The following PTPRD variants were observed in gnomAD, a reference collection of about 807,000 sequenced individuals.
PTPRD encodes the protein protein tyrosine phosphatase receptor type D.
PTPRD carries 34 observed loss-of-function variants against 214.5 expected under a neutral mutation model. The observed-to-expected ratio is 0.16, with a 90% CI of 0.12 to 0.21. PTPRD has a LOEUF of 0.21. Ranked by LOEUF, PTPRD falls within the 10% of genes least tolerant of loss-of-function variation. The pLI is 1.00. For synonymous variants in PTPRD, 1,128 were observed against 845.7 expected (o/e 1.33, Z -5.79); for missense variants, 2,545 against 2,398.7 (o/e 1.06, Z -1.27).
intron 14 of PTPRD, among the ~76,000 whole-genome samples, chr9:8,620,917 G>A (rs1265387238): frequency 6.6e-6 from 1 of 151,956 alleles, no homozygotes; most frequent in Non-Finnish European, 1.5e-5. Flanking sequence ...GTACAATGCA[G>A]TTCTTAGATC....
intron 5 of PTPRD, among the ~76,000 whole-genome samples, chr9:9,909,976 TAGAGA>T (rs953889508): frequency 4.6e-5 from 7 of 152,072 alleles, no homozygotes; most frequent in African/African-American, 1.7e-4. Context: ...TCCTATCAGT[TAGAGA>T]AAAGTTCTAA....
At chr9:9,158,506 G>A (rs542043996) in intron 10 of PTPRD, among the ~76,000 whole-genome samples, 17 of 152,100 alleles carry the variant, frequency 1.1e-4, no homozygotes, top group African/African-American at 1.9e-4. Flanking sequence ...AGGCTGAGGC[G>A]GGAGAATTGC....
chr9:8,546,644 G>T (rs557223267), intron 14 of PTPRD, among the ~76,000 whole-genome samples: 1 of 151,906 alleles, frequency 6.6e-6, no homozygotes, highest in East Asian at 1.9e-4. Context: ...GATTACAGGC[G>T]TGCGCCACCA....
At chr9:9,884,008 C>T (rs377160571) in intron 5 of PTPRD, among the ~76,000 whole-genome samples, 1 of 151,862 alleles carries the variant, frequency 6.6e-6, no homozygotes, top group East Asian at 1.9e-4. Flanking sequence ...TTGTTTTATC[C>T]CTTAGTACAT....
At chr9:10,288,452 T>C (rs1027489452) in intron 3 of PTPRD, among the ~76,000 whole-genome samples, 14 of 152,170 alleles carry the variant, frequency 9.2e-5, no homozygotes, top group Admixed American at 7.9e-4. Context: ...AAAGAAACAA[T>C]ACAACTTAGC....
chr9:10,568,570 TACAGTCCCACCA>T (rs2066419593), intron 2 of PTPRD, among the ~76,000 whole-genome samples: 1 of 152,132 alleles, frequency 6.6e-6, no homozygotes, highest in East Asian at 1.9e-4. Flanking sequence ...TGAACTAGTT[TACAGTCCCACCA>T]ACAGTGTAAA....
chr9:9,082,726 C>A lies in PTPRD; in HGVS notation c.-142-63991G>T, dbSNP rs190745219. Among the ~76,000 whole-genome samples, 223 of 152,140 alleles carry A rather than the reference C, an allele frequency of 1.5e-3. 1 individual carries two copies. Among genetic ancestry groups the A allele is most frequent in the African/African-American group, 5.2e-3 (215 of 41,530 alleles). ...AGTCTCAGGATACAAAATCAACATG[C>A]AAAAATCACAAGCATTCCTACACAC... is the stretch of plus-strand genomic sequence containing the variant. On this transcript the variant is annotated intron_variant, in intron 10 of 45. Coordinates refer to ENST00000381196, the MANE Select transcript of PTPRD (RefSeq NM_002839.4).
intron 2 of PTPRD, among the ~76,000 whole-genome samples, chr9:10,446,634 T>C (rs2098801908): frequency 1.3e-5 from 2 of 151,990 alleles, no homozygotes; most frequent in South Asian, 4.2e-4. Context: ...TGTGCCTAAG[T>C]GAAGTTGTTT....
intron 14 of PTPRD, among the ~76,000 whole-genome samples, chr9:8,551,297 T>C (rs2082039719): frequency 6.6e-6 from 1 of 152,224 alleles, no homozygotes; most frequent in African/African-American, 2.4e-5. Flanking sequence ...TTCTGCTTTA[T>C]ATAATTGTTC....
At position 9,368,932 on chromosome 9, in the gene PTPRD, C is replaced by A. The variant is rs12682972; in HGVS notation, c.-203+28517G>T. Among the ~76,000 whole-genome samples, 74 of 152,006 alleles carry A rather than the reference C, an allele frequency of 4.9e-4. No homozygotes were observed. The East Asian group carries it at 0.012, about 24-fold the overall frequency. ...CCCACTCCCCACACCCCACAACAGTCCCCAGTGTAGGATGTTCCCCTTCCT... is the reference window on the plus strand; with the variant it reads ...CCCACTCCCCACACCCCACAACAGTACCCAGTGTAGGATGTTCCCCTTCCT... On this transcript the variant is annotated intron_variant, in intron 9 of 45. Transcript: ENST00000381196.
At chr9:9,704,915 G>A (rs1048021636) in intron 7 of PTPRD, among the ~76,000 whole-genome samples, 4 of 152,168 alleles carry the variant, frequency 2.6e-5, no homozygotes, top group Non-Finnish European at 5.9e-5. Flanking sequence ...ACTGAGGCCT[G>A]TCCAAAATTC....
At chr9:8,336,908 A>C (rs1249657979) in intron 43 of PTPRD, among the ~76,000 whole-genome samples, 1 of 152,244 alleles carries the variant, frequency 6.6e-6, no homozygotes, top group Admixed American at 6.5e-5. Flanking sequence ...ATACCATCTT[A>C]CACCAGTTAG....
At chr9:8,575,772 T>C (rs1161849096) in intron 14 of PTPRD, among the ~76,000 whole-genome samples, 1 of 152,154 alleles carries the variant, frequency 6.6e-6, no homozygotes, top group Non-Finnish European at 1.5e-5. Flanking sequence ...AAATGGGAAA[T>C]TGTGCAACAA....
At chr9:9,576,817 C>T (rs920158530) in intron 7 of PTPRD, among the ~76,000 whole-genome samples, 2 of 152,008 alleles carry the variant, frequency 1.3e-5, no homozygotes, top group African/African-American at 2.4e-5. Flanking sequence ...TATTTTAGCA[C>T]GATCAGATGC....
chr9:9,976,480 G>A (rs2095356413), intron 4 of PTPRD, among the ~76,000 whole-genome samples: 1 of 151,408 alleles, frequency 6.6e-6, no homozygotes, highest in African/African-American at 2.4e-5. Flanking sequence ...TTTGCCTCCT[G>A]AGTTCAAGAG....
At chr9:10,497,349 C>A (rs1589459739) in intron 2 of PTPRD, among the ~76,000 whole-genome samples, 1 of 152,036 alleles carries the variant, frequency 6.6e-6, no homozygotes, top group East Asian at 1.9e-4. Flanking sequence ...TATCACGTGA[C>A]ATATACATGT....
intron 11 of PTPRD, among the ~76,000 whole-genome samples, chr9:8,848,682 A>T (rs1033573041): frequency 2.6e-5 from 4 of 151,804 alleles, no homozygotes; most frequent in Admixed American, 2.6e-4. Context: ...TGAGATAAAT[A>T]TTTTTTTTAA....
intron 8 of PTPRD, among the ~76,000 whole-genome samples, chr9:9,523,397 A>C (rs990140669): frequency 6.6e-4 from 101 of 152,276 alleles, no homozygotes; most frequent in African/African-American, 2.4e-3. Context: ...AATTTATTCA[A>C]AAAGATTCAT....
At chr9:9,178,591 T>G (rs565677715) in intron 10 of PTPRD, among the ~76,000 whole-genome samples, 2 of 152,092 alleles carry the variant, frequency 1.3e-5, no homozygotes, top group African/African-American at 2.4e-5. Context: ...TGTAGACATA[T>G]TGACAAACTC....
Sources: gnomAD v4.1 joint callset for allele counts (sites outside exome capture counted in the v4.1 genomes callset) on GRCh38, gnomAD v4.1.1 for gene constraint, MANE v1.5 for transcripts, NCBI Gene and HGNC (gene_info 2026-07-23, HGNC 2026-07-21) for gene names.